The following TAB2 variants were observed in gnomAD, a reference collection of about 807,000 sequenced individuals.
The protein encoded by TAB2 is TGF-beta activated kinase 1 (MAP3K7) binding protein 2.
A neutral mutation model predicts 65.0 loss-of-function variants in TAB2; 3 were observed. That is an observed-to-expected ratio of 0.05 (90% CI 0.02 to 0.12). The LOEUF is 0.12. Ranked by LOEUF, TAB2 falls within the 10% of genes least tolerant of loss-of-function variation. TAB2 has a pLI of 1.00. For synonymous variants in TAB2, 298 were observed against 285.1 expected, an observed-to-expected ratio of 1.05 and a Z score of -0.46; for missense variants, 623 against 840.3, an observed-to-expected ratio of 0.74 and a Z score of 3.20.
chr6:149,331,441 TA>T (rs1209484601), intron 1 of TAB2, among the ~76,000 whole-genome samples: 1 of 152,186 alleles, frequency 6.6e-6, no homozygotes, highest in Admixed American at 6.6e-5. Flanking sequence ...TTATCAGTTT[TA>T]GGAGGTTTAT....
At chr6:149,311,292 C>T (rs1021747928) in intron 1 of TAB2, among the ~76,000 whole-genome samples, 1 of 152,184 alleles carries the variant, frequency 6.6e-6, no homozygotes, top group Non-Finnish European at 1.5e-5. Context: ...CTGAAATGCC[C>T]TCCCGTTTTT....
chr6:149,399,515 A>T (rs1251974873), intron 6 of TAB2, among the ~76,000 whole-genome samples: 2 of 145,958 alleles, frequency 1.4e-5, no homozygotes, highest in Non-Finnish European at 3.0e-5. Flanking sequence ...GATAAGGAAG[A>T]TACCTTAGGG....
chr6:149,319,151 T>C (rs1779355577), intron 1 of TAB2, among the ~76,000 whole-genome samples: 1 of 152,228 alleles, frequency 6.6e-6, no homozygotes, highest in African/African-American at 2.4e-5. Flanking sequence ...AAAAGGAATT[T>C]CGTTTCCGCT....
chr6:149,399,950 G>A (rs918351125), intron 6 of TAB2, among the ~76,000 whole-genome samples: 1 of 152,198 alleles, frequency 6.6e-6, no homozygotes, highest in Non-Finnish European at 1.5e-5. Flanking sequence ...TGCATTTGAA[G>A]TTAAGTTGTT....
intron 1 of TAB2, among the ~76,000 whole-genome samples, chr6:149,299,024 A>T (rs508534): frequency 0.44 from 66,248 of 152,060 alleles, 17,326 homozygotes; most frequent in African/African-American, 0.75. Context: ...GCTTAAAGAA[A>T]CTTTTCATGC....
At chr6:149,330,073 A>G (rs1779737769) in intron 1 of TAB2, among the ~76,000 whole-genome samples, 1 of 141,646 alleles carries the variant, frequency 7.1e-6, no homozygotes, top group Non-Finnish European at 1.5e-5. Flanking sequence ...ATCGTACGTG[A>G]TGTTACCTTT....
intron 3 of TAB2, among the ~76,000 whole-genome samples, chr6:149,392,713 TC>T (rs1363765476): frequency 1.3e-5 from 2 of 152,224 alleles, no homozygotes; most frequent in Admixed American, 6.5e-5. Flanking sequence ...TTAATTGCCT[TC>T]TTTTTCTTAA....
upstream of TAB2, among the ~76,000 whole-genome samples, chr6:149,313,592 T>C (rs914034857): frequency 2.6e-5 from 4 of 152,216 alleles, no homozygotes; most frequent in African/African-American, 9.7e-5. Flanking sequence ...GCTGGTCATA[T>C]CCAGCTGGAC....
chr6:149,374,594 T>C (rs529669394), intron 2 of TAB2, among the ~76,000 whole-genome samples: 1 of 152,208 alleles, frequency 6.6e-6, no homozygotes, highest in Non-Finnish European at 1.5e-5. Context: ...TAAGCAGTGA[T>C]CATCAATAGC....
At chr6:149,360,466 A>G (rs1232542095) in intron 1 of TAB2, among the ~76,000 whole-genome samples, 1 of 152,118 alleles carries the variant, frequency 6.6e-6, no homozygotes, top group Non-Finnish European at 1.5e-5. Context: ...TCTCATGACA[A>G]CTCAATCATG....
At chr6:149,301,868 A>G (rs1044796693) in intron 1 of TAB2, among the ~76,000 whole-genome samples, 2 of 152,212 alleles carry the variant, frequency 1.3e-5, no homozygotes, top group Non-Finnish European at 2.9e-5. Context: ...ACTTTGGAAA[A>G]TAGAAGTAAA....
At chr6:149,339,605 AT>A (rs1169597449) in intron 1 of TAB2, among the ~76,000 whole-genome samples, 844 of 51,190 alleles carry the variant, frequency 0.016, 5 homozygotes, top group Non-Finnish European at 0.028. Context: ...TTATTTATTT[AT>A]TTTTTTTTTT....
At chr6:149,390,842 G>T (rs1781959730) in intron 3 of TAB2, among the ~76,000 whole-genome samples, 1 of 152,062 alleles carries the variant, frequency 6.6e-6, no homozygotes, top group Non-Finnish European at 1.5e-5. Flanking sequence ...TCTGTTCACT[G>T]CAAAGCCCAG....
At chr6:149,233,292 G>A (rs185668632) in intron 1 of TAB2, among the ~76,000 whole-genome samples, 7 of 152,112 alleles carry the variant, frequency 4.6e-5, no homozygotes, top group African/African-American at 1.7e-4. Flanking sequence ...ACCTCCCTCC[G>A]CTCAGTGTGC....
In TAB2 at chr6:149,264,845, G is replaced by A. The variant is rs190831857; in HGVS notation, c.-121+46069G>A. ...ATCAAAGGGAGCAGATGAAGTACCGGCAGCACTGGCTTCAGAGAAGAACTG... is the reference window on the plus strand; with the variant it reads ...ATCAAAGGGAGCAGATGAAGTACCGACAGCACTGGCTTCAGAGAAGAACTG... On this transcript the variant is annotated intron_variant, in intron 1 of 1. Transcript: ENST00000606202. 1.2e-3 allele frequency among the ~76,000 whole-genome samples: 182 copies of A among 152,366 alleles called. 1 individual carries two copies. The highest frequency in any genetic ancestry group is 3.3e-3 in the South Asian group (16 of 4,832).
At chr6:149,218,937 A>G (rs958359594) in intron 1 of TAB2, among the ~76,000 whole-genome samples, 1 of 152,216 alleles carries the variant, frequency 6.6e-6, no homozygotes, top group Non-Finnish European at 1.5e-5. Context: ...TGTGACTGTA[A>G]AGGAAAGAGA....
chr6:149,401,197 TA>T (rs936976757), intron 6 of TAB2: 42 of 160,242 alleles, frequency 2.6e-4, no homozygotes, highest in East Asian at 3.9e-4. Context: ...TAAATTACTC[TA>T]AAAAAAAAAG....
At chr6:149,273,282 G>A (rs1323666313) in intron 1 of TAB2, among the ~76,000 whole-genome samples, 1 of 152,192 alleles carries the variant, frequency 6.6e-6, no homozygotes, top group Non-Finnish European at 1.5e-5. Flanking sequence ...GCTCCTCTCT[G>A]CCGAGCTGAG....
chr6:149,287,083 C>A (rs2114690990), intron 1 of TAB2, among the ~76,000 whole-genome samples: 1 of 152,318 alleles, frequency 6.6e-6, no homozygotes. Flanking sequence ...AGCCACTGCA[C>A]TCCAGCCTGA....
Sources: gnomAD v4.1 joint callset for allele counts (sites outside exome capture counted in the v4.1 genomes callset) on GRCh38, gnomAD v4.1.1 for gene constraint, MANE v1.5 for transcripts, NCBI Gene and HGNC (gene_info 2026-07-23, HGNC 2026-07-21) for gene names.